Variants in STK10 observed in about 807,000 individuals in gnomAD.
The protein encoded by STK10 is serine/threonine kinase 10.
A neutral mutation model predicts 113.8 loss-of-function variants in STK10; 78 were observed. The observed-to-expected ratio is 0.69, with a 90% confidence interval of 0.57 to 0.83. STK10 has a LOEUF of 0.83. Among genes scored for constraint, STK10 ranks in the 40% least tolerant of loss-of-function variants. STK10 has a pLI of 0.00. For missense variants in STK10, 1,109 were observed against 1,280.1 expected (o/e 0.87, Z 2.04); for synonymous variants, 465 against 494.7 (o/e 0.94, Z 0.80).
At chr5:172,111,129 G>A (rs1020114688) in intron 4 of STK10, among the ~76,000 whole-genome samples, 3 of 152,168 alleles carry the variant, frequency 2.0e-5, no homozygotes, top group East Asian at 1.9e-4. Flanking sequence ...GATGACTCTG[G>A]CAGGCGGCTC....
rs555132690 is a variant in STK10 at position 172,093,978 on chromosome 5, T to C, written c.1006-18A>G. 4 of 1,387,308 alleles carry C rather than the reference T, an allele frequency of 2.9e-6. No homozygotes were observed. In the African/African-American group the frequency reaches 4.4e-5, roughly 15 times the overall value. The allele number at this position is 1,387,308 out of a possible 1,614,324, so 85.9% of individuals were successfully genotyped here. A position where few individuals can be genotyped will look rare whatever the true frequency, so the allele number is the denominator to read the frequency against. On this transcript the variant is annotated intron_variant, in intron 8 of 18. Transcript: ENST00000176763. This position sits in a 1 kb window ranked among gnomAD's most constrained non-coding sequence, Gnocchi z 4.1. ...TCCAGGGTCTAGAAAAATATATATA[T>C]ATATATTAAAGGCCATGCTGCTGTA...
In STK10 at chr5:172,120,655, G is replaced by A. The variant is rs987960352; in HGVS notation, c.371-3025C>T. 6.6e-6 allele frequency among the ~76,000 whole-genome samples: 1 copy of A among 152,118 alleles called. No homozygotes were observed. Among genetic ancestry groups the A allele is most frequent in the Admixed American group, 6.5e-5 (1 of 15,274 alleles). On this transcript the variant is annotated intron_variant, in intron 3 of 18. Coordinates refer to ENST00000176763, the MANE Select transcript of STK10 (RefSeq NM_005990.4). The surrounding 1 kb of genome is among the most constrained non-coding windows in gnomAD (Gnocchi z 4.0). ...TCTGTGAAATGGGATGATTATAATC[G>A]ACATAGGCAGGGCTCCAGCCATCAG...
chr5:172,122,444 T>C (rs1166379389), intron 3 of STK10, among the ~76,000 whole-genome samples: 1 of 152,188 alleles, frequency 6.6e-6, no homozygotes. Context: ...AATCATACAA[T>C]ATGCAGCCTT....
intron 6 of STK10, among the ~76,000 whole-genome samples, chr5:172,106,400 T>TAAAAAAAAAAAAAAAAAAAAA (rs1366190162): frequency 1.7e-4 from 1 of 6,004 alleles, no homozygotes; most frequent in African/African-American, 3.7e-4. Context: ...AGACCCTATC[T>TAAAAAAAAAAAAAAAAAAAAA]CAAAAAAAAA....
chr5:172,055,552 C>A (rs747357645), intron 16 of STK10, 36 bp downstream of exon 16: 6 of 1,413,020 alleles, frequency 4.2e-6, no homozygotes, highest in Non-Finnish European at 5.6e-6. Context: ...GCCTACACCC[C>A]AGCACACTTG....
At chr5:172,150,680 A>G (rs1415318193) in intron 2 of STK10, among the ~76,000 whole-genome samples, 1 of 152,104 alleles carries the variant, frequency 6.6e-6, no homozygotes, top group Non-Finnish European at 1.5e-5. Flanking sequence ...CTCTGAGCCC[A>G]GGACTACAAG....
intron 12 of STK10, among the ~76,000 whole-genome samples, chr5:172,073,793 C>CAAAAAAAAAAAAAAA (rs60492751): frequency 4.1e-4 from 24 of 58,412 alleles, no homozygotes; most frequent in Non-Finnish European, 5.1e-4. Flanking sequence ...CTAAAAATAG[C>CAAAAAAAAAAAAAAA]AAAAAAAAAA....
chr5:172,089,107 G>T (rs1292100876), intron 10 of STK10, among the ~76,000 whole-genome samples: 1 of 152,106 alleles, frequency 6.6e-6, no homozygotes, highest in Non-Finnish European at 1.5e-5. Flanking sequence ...CCTTAAACAA[G>T]CTGAGTAGTT....
chr5:172,048,559 C>G (rs571132754), intron 18 of STK10, among the ~76,000 whole-genome samples: 1 of 152,102 alleles, frequency 6.6e-6, no homozygotes, highest in Non-Finnish European at 1.5e-5. Context: ...CCAGCAAGAA[C>G]GTCTAGAGTG....
intron 12 of STK10, among the ~76,000 whole-genome samples, chr5:172,073,438 C>T (rs1457281911): frequency 1.3e-5 from 2 of 151,942 alleles, no homozygotes; most frequent in Admixed American, 1.3e-4. Context: ...AGGTATGAGT[C>T]ACCGCACCCA....
At chr5:172,141,357 G>A (rs754065519) in intron 2 of STK10, among the ~76,000 whole-genome samples, 2 of 152,062 alleles carry the variant, frequency 1.3e-5, no homozygotes, top group Non-Finnish European at 2.9e-5. Context: ...CGGGAAGATT[G>A]CTTGAGCTCA....
rs9313580 is a variant in STK10, at chr5:172,174,053, C to T, written c.156+13834G>A. On this transcript the variant is annotated intron_variant, in intron 1 of 18. Coordinates refer to ENST00000176763, the MANE Select transcript of STK10 (RefSeq NM_005990.4). ...ACATCATAACCACAATGCGGCCTCC[C>T]GAGTGTAGCCACGTCATAACCACAA... Among the ~76,000 whole-genome samples, 1,226 of 152,240 alleles carry T rather than the reference C, an allele frequency of 8.1e-3. 25 individuals are homozygous for T. Among genetic ancestry groups the T allele is most frequent in the African/African-American group, 0.028 (1,149 of 41,520 alleles).
In STK10 at chr5:172,082,181, G is replaced by T; in HGVS notation, c.1989+145C>A. The T allele has an allele frequency of 1.2e-6, 1 of 834,614 alleles. No homozygotes were observed. The highest frequency in any genetic ancestry group is 1.7e-6 in the Non-Finnish European group (1 of 591,384). 51.7% of individuals were successfully genotyped at this position (834,614 alleles called of 1,614,324 possible). ...AAGTGGCTCCTCATGGCGCAGCTTG[G>T]GCACACAGATCCAGGCTCACCTGCT... On this transcript the variant is annotated intron_variant, in intron 12 of 18. Transcript: ENST00000176763. The surrounding 1 kb of genome is among the most constrained non-coding windows in gnomAD (Gnocchi z 4.3).
At chr5:172,087,668 C>T (rs1436114669) in intron 10 of STK10, among the ~76,000 whole-genome samples, 1 of 98,202 alleles carries the variant, frequency 1.0e-5, no homozygotes, top group Admixed American at 8.9e-5. Context: ...GTCGCCCAGG[C>T]CGGACTGCGG....
At chr5:172,136,988 C>T (rs771421421) in intron 2 of STK10, among the ~76,000 whole-genome samples, 11 of 151,992 alleles carry the variant, frequency 7.2e-5, no homozygotes, top group Non-Finnish European at 1.2e-4. Context: ...CCCCCACCCC[C>T]GAACAGGCCC....
chr5:172,098,664 C>T (rs909230064), intron 7 of STK10, among the ~76,000 whole-genome samples: 1 of 152,162 alleles, frequency 6.6e-6, no homozygotes, highest in Admixed American at 6.5e-5. Context: ...TAAGGGTTTA[C>T]TAATCATAGG....
At chr5:172,140,059 T>G (rs1769942642) in intron 2 of STK10, among the ~76,000 whole-genome samples, 1 of 151,776 alleles carries the variant, frequency 6.6e-6, no homozygotes, top group Admixed American at 6.6e-5. Context: ...ATCTCCAAAA[T>G]ATATAAGGAA....
intron 1 of STK10, among the ~76,000 whole-genome samples, chr5:172,181,905 T>C (rs563895621): frequency 2.6e-5 from 4 of 152,284 alleles, no homozygotes; most frequent in Non-Finnish European, 5.9e-5. Context: ...GAAGGAAATA[T>C]ATCAACATGT....
intron 3 of STK10, among the ~76,000 whole-genome samples, chr5:172,121,408 C>T (rs1344235575): frequency 1.3e-5 from 2 of 152,216 alleles, no homozygotes; most frequent in Non-Finnish European, 2.9e-5. Context: ...CAGTGGATCA[C>T]GGCCCACTGC....
Sources: gnomAD v4.1 joint callset for allele counts (sites outside exome capture counted in the v4.1 genomes callset) on GRCh38, gnomAD v4.1.1 for gene constraint, Gnocchi (gnomAD v3.1) non-coding constraint, MANE v1.5 for transcripts, NCBI Gene and HGNC (gene_info 2026-07-23, HGNC 2026-07-21) for gene names.